NLRP6: variants seen among roughly 807,000 people sequenced by gnomAD.
NLRP6 encodes the protein NLR family pyrin domain containing 6, also known as NACHT, LRR and PYD domains-containing protein 6.
In NLRP6, 55 loss-of-function variants were observed where a neutral mutation model predicts 70.9. The ratio of observed to expected loss-of-function variants is 0.78; its 90% confidence interval spans 0.62 to 0.97. The LOEUF (loss-of-function observed/expected upper bound fraction) is 0.97, where lower values mean the gene tolerates loss of function less well. Ranked by LOEUF, NLRP6 falls within the 50% of genes least tolerant of loss-of-function variation. NLRP6 has a pLI of 0.00. For missense variants in NLRP6, 1,241 were observed against 1,238.3 expected (o/e 1.00, Z -0.03); for synonymous variants, 652 against 581.9 (o/e 1.12, Z -1.73).
At chr11:279,782 G>T in intron 2 of NLRP6, 52 bp from the exon 3 acceptor site, 1 of 1,557,524 alleles carries the variant, frequency 6.4e-7, no homozygotes, top group Non-Finnish European at 8.7e-7. Flanking sequence ...CCCCCGTGGC[G>T]CCTTCCCCTG....
chr11:280,619 C>T lies in NLRP6; in HGVS notation c.885C>T (p.Cys295=). The T allele has an allele frequency of 5.3e-6, 8 of 1,495,922 alleles. No individual in the cohort carries two copies. Among genetic ancestry groups the T allele is most frequent in the Non-Finnish European group, 7.1e-6 (8 of 1,132,362 alleles). The allele number at this position is 1,495,922 out of a possible 1,614,324, so 92.7% of individuals were successfully genotyped here. The change falls in exon 4 of 8, where the codon TGC becomes TGT. Residue 295 remains cysteine, a synonymous_variant. Transcript: ENST00000534750. ...TGGGGGGCCCCGAGGCCGCGCCCTG[C>T]ACAGACCCCTTCGAGGCGGCGAGCG... is the stretch of plus-strand genomic sequence containing the variant. ...PALGGPEAAP[C]TDPFEAASGA...
chr11:283,161 C>A (rs1181706869), intron 5 of NLRP6, among the ~76,000 whole-genome samples: 1 of 152,120 alleles, frequency 6.6e-6, no homozygotes, highest in Non-Finnish European at 1.5e-5. Flanking sequence ...AGCGCAGGCT[C>A]CAAGGTCAGG....
intron 4 of NLRP6, among the ~76,000 whole-genome samples, 162 bp downstream of exon 4, chr11:282,001 A>G (rs960649155): frequency 6.6e-6 from 1 of 151,684 alleles, no homozygotes; most frequent in Non-Finnish European, 1.5e-5. Flanking sequence ...CAACCACTGA[A>G]TTCCTATCTT....
Position 278,909 on chromosome 11 carries a change from C to T in NLRP6, c.29+311C>T, listed in dbSNP as rs976681887. On this transcript the variant is annotated intron_variant, in intron 1 of 7. Transcript: ENST00000534750. This position sits in a 1 kb window ranked among gnomAD's most constrained non-coding sequence, Gnocchi z 4.7. ...TCTGCTGCCAAAGAGGCCAGTTCTG[C>T]TCCGGGATCGGGAAGAGAGGGAAAA... 1.6e-5 allele frequency: 6 copies of T among 366,218 alleles called. No homozygotes were observed. The highest frequency in any genetic ancestry group is 2.9e-5 in the Non-Finnish European group (6 of 204,576). 22.7% of individuals were successfully genotyped at this position (366,218 alleles called of 1,614,324 possible). A position where few individuals can be genotyped will look rare whatever the true frequency, so the allele number is the denominator to read the frequency against.
chr11:285,326 G>A lies in NLRP6; in HGVS notation c.*22G>A. On this transcript the variant is annotated 3_prime_UTR_variant, in exon 8 of 8. Coordinates refer to ENST00000534750, the MANE Select transcript of NLRP6 (RefSeq NM_001276700.2). ...CTGAGGCTCTGGTGGCCAGAGCAGG[G>A]TGGAAGACCCTAGTCAAAGTCCCTG... is the stretch of plus-strand genomic sequence containing the variant. 6.2e-7 allele frequency: 1 copy of A among 1,603,650 alleles called. No individual in the cohort carries two copies. Among genetic ancestry groups the A allele is most frequent in the African/African-American group, 1.3e-5 (1 of 74,832 alleles).
chr11:278,943 G>T lies in NLRP6; in HGVS notation c.29+345G>T. 1 of 350,942 alleles carries T rather than the reference G, an allele frequency of 2.8e-6. No homozygotes were observed. Among genetic ancestry groups the T allele is most frequent in the Non-Finnish European group, 5.1e-6 (1 of 195,040 alleles). 21.7% of individuals were successfully genotyped at this position (350,942 alleles called of 1,614,324 possible). A position where few individuals can be genotyped will look rare whatever the true frequency, so the allele number is the denominator to read the frequency against. Reference sequence around the variant, plus strand: ...CGGGAAGAGAGGGAAAAGAAGGAAAGCGAGGAAAGAGAGCTCAGGGTTCCT... The same window carrying T: ...CGGGAAGAGAGGGAAAAGAAGGAAATCGAGGAAAGAGAGCTCAGGGTTCCT... On this transcript the variant is annotated intron_variant, in intron 1 of 7. Coordinates refer to ENST00000534750, the MANE Select transcript of NLRP6 (RefSeq NM_001276700.2). The surrounding 1 kb of genome is among the most constrained non-coding windows in gnomAD (Gnocchi z 4.7).
rs199475799 is a variant in NLRP6, at chr11:279,819, C to A, written c.311-15C>A. On this transcript the variant is annotated splice_polypyrimidine_tract_variant and intron_variant, in intron 2 of 7. Transcript: ENST00000534750. ...TCCCGCCCTCGGCGGAACCTCACCC[C>A]AGTTTCCCTTCCAGGGCTCGGGCTC... is the stretch of plus-strand genomic sequence containing the variant. 241 of 1,585,944 alleles carry A rather than the reference C, an allele frequency of 1.5e-4. 1 individual carries two copies. In the African/African-American group the frequency reaches 2.7e-3, roughly 18 times the overall value.
Position 280,334 on chromosome 11 carries a change from G to A in NLRP6, c.600G>A (p.Leu200=). The change falls in exon 4 of 8, where the codon CTG becomes CTA. Residue 200 remains leucine (L), a synonymous_variant. Coordinates refer to ENST00000534750, the MANE Select transcript of NLRP6 (RefSeq NM_001276700.2). Reference sequence around the variant, plus strand: ...GCCGGCGGCCGCTGACCGTGGTGCTGCAGGGCCCGGCGGGCATCGGCAAGA... The same window carrying A: ...GCCGGCGGCCGCTGACCGTGGTGCTACAGGGCCCGGCGGGCATCGGCAAGA... The part of the protein sequence containing the change: ...EEGRRPLTVV[L]QGPAGIGKTM... 1.3e-6 allele frequency: 2 copies of A among 1,515,312 alleles called. No homozygotes were observed. The highest frequency in any genetic ancestry group is 1.8e-6 in the Non-Finnish European group (2 of 1,133,596). 93.9% of individuals were successfully genotyped at this position (1,515,312 alleles called of 1,614,324 possible).
rs537154630 is a variant in NLRP6 at position 280,183 on chromosome 11, T to C, written c.449T>C (p.Leu150Pro). 2.9e-5 allele frequency: 45 copies of C among 1,548,744 alleles called. 2 individuals are homozygous for C. The South Asian group carries it at 4.9e-4, about 17-fold the overall frequency. ...SVKITKRFTK[L>P]LIAPESAAPE... ...AAGATCACCAAGCGCTTCACCAAGC[T>C]GCTCATCGCGCCCGAGAGCGCCGCC... The change falls in exon 4 of 8, where the codon CTG (leucine) becomes CCG (proline). Residue 150 changes from leucine (L) to proline (P), a missense_variant. Transcript: ENST00000534750.
At chr11:279,208 T>C in intron 1 of NLRP6, 119 bp from the exon 2 acceptor site, 1 of 885,128 alleles carries the variant, frequency 1.1e-6, no homozygotes, top group Non-Finnish European at 1.5e-6. Context: ...ATCCAGACGA[T>C]GCTTGGCCCG....
chr11:279,205 C>T, intron 1 of NLRP6, 122 bp from the exon 2 acceptor site: 1 of 859,704 alleles, frequency 1.2e-6, no homozygotes. Flanking sequence ...TGGATCCAGA[C>T]GATGCTTGGC....
In NLRP6 at chr11:279,330, G is replaced by A. The variant is rs776203874; in HGVS notation, c.33G>A (p.Thr11=). 5 of 1,207,712 alleles carry A rather than the reference G, an allele frequency of 4.1e-6. No individual in the cohort carries two copies. Among genetic ancestry groups the A allele is most frequent in the African/African-American group, 1.6e-5 (1 of 62,414 alleles). The allele number at this position is 1,207,712 out of a possible 1,614,324, so 74.8% of individuals were successfully genotyped here. The change falls in exon 2 of 8, where the codon ACG becomes ACA. Residue 11 remains threonine, a synonymous_variant. Coordinates refer to ENST00000534750, the MANE Select transcript of NLRP6 (RefSeq NM_001276700.2). Reference sequence around the variant, plus strand: ...ACCCGCGCCCGCCCGCCTCCAGCACGGGGCCGCGCCTCGCGGTGGCCCGCG... The same window carrying A: ...ACCCGCGCCCGCCCGCCTCCAGCACAGGGCCGCGCCTCGCGGTGGCCCGCG... The part of the protein sequence containing the change: MDQPEAPCSS[T]GPRLAVAREL...
chr11:284,095 G>A, intron 5 of NLRP6, 135 bp from the exon 6 acceptor site: 2 of 767,144 alleles, frequency 2.6e-6, no homozygotes, highest in Admixed American at 2.1e-5. Context: ...GCTCTGCGAG[G>A]TCCAGGGAAG....
Position 281,111 on chromosome 11 carries a change from G to A in NLRP6, c.1377G>A (p.Gln459=), listed in dbSNP as rs1182876535. The change falls in exon 4 of 8, where the codon CAG becomes CAA. Residue 459 remains glutamine (Q), a synonymous_variant. Coordinates refer to ENST00000534750, the MANE Select transcript of NLRP6 (RefSeq NM_001276700.2). ...AGGGCGTCCTCGGACGCAGGGCGCA[G>A]TTTGCCGAGAAGGAACTGGAGCAAC... The part of the protein sequence containing the change: ...AREGVLGRRA[Q]FAEKELEQLE... 1 of 1,612,834 alleles carries A rather than the reference G, an allele frequency of 6.2e-7. No individual in the cohort carries two copies. The highest frequency in any genetic ancestry group is 2.2e-5 in the East Asian group (1 of 44,874).
chr11:279,136 C>T, intron 1 of NLRP6, 191 bp from the exon 2 acceptor site: 2 of 463,232 alleles, frequency 4.3e-6, no homozygotes, highest in African/African-American at 2.0e-5. Flanking sequence ...GACCCGGGTC[C>T]GGGGACGGGG....
chr11:283,345 G>C (rs182958857), intron 5 of NLRP6, among the ~76,000 whole-genome samples: 122 of 129,850 alleles, frequency 9.4e-4, no homozygotes, highest in African/African-American at 3.3e-3. Context: ...ACGGAGCCTC[G>C]CTCTGTCGCC....
rs199475798 is a variant in NLRP6 at position 279,808 on chromosome 11, G to T, written c.311-26G>T. The T allele has an allele frequency of 3.2e-6, 5 of 1,582,054 alleles. No individual in the cohort carries two copies. The African/African-American group carries it at 5.5e-5, about 17-fold the overall frequency. ...CCTTCCCCTGTTCCCGCCCTCGGCG[G>T]AACCTCACCCCAGTTTCCCTTCCAG... is the stretch of plus-strand genomic sequence containing the variant. On this transcript the variant is annotated intron_variant, in intron 2 of 7. Transcript: ENST00000534750.
chr11:281,433 G>T lies in NLRP6; in HGVS notation c.1699G>T (p.Val567Phe), dbSNP rs1186914269. ...RDIERHFGCM[V>F]SERVKQEALR... is the part of the protein sequence containing the mutation. ...CATCGAGCGCCACTTCGGCTGCATGGTTTCAGAGCGTGTGAAGCAGGAGGC... is the reference window on the plus strand; with the variant it reads ...CATCGAGCGCCACTTCGGCTGCATGTTTTCAGAGCGTGTGAAGCAGGAGGC... The change falls in exon 4 of 8, where the codon GTT becomes TTT. Residue 567 changes from valine to phenylalanine, a missense_variant. Val to Phe is a conservative substitution (Grantham distance 50, BLOSUM62 -1). Transcript: ENST00000534750. The T allele has an allele frequency of 3.1e-6, 5 of 1,605,322 alleles. No individual in the cohort carries two copies. In the Admixed American group the frequency reaches 5.1e-5, roughly 16 times the overall value.
At position 278,425 on chromosome 11, in the gene NLRP6, C is replaced by A; in HGVS notation, c.-145C>A. The A allele has an allele frequency of 1.7e-6, 1 of 592,640 alleles. No homozygotes were observed. The highest frequency in any genetic ancestry group is 2.9e-6 in the Non-Finnish European group (1 of 339,990). The allele number at this position is 592,640 out of a possible 1,614,324, so 36.7% of individuals were successfully genotyped here. A position where few individuals can be genotyped will look rare whatever the true frequency, so the allele number is the denominator to read the frequency against. On this transcript the variant is annotated 5_prime_UTR_variant, in exon 1 of 8. Transcript: ENST00000534750. The surrounding 1 kb of genome is among the most constrained non-coding windows in gnomAD (Gnocchi z 4.7). ...CCACGGTGCCCAACAGCATCTCGTG[C>A]CAGCTGAGCTGCGGTGTGTGGACCC...
Sources: gnomAD v4.1 joint callset for allele counts (sites outside exome capture counted in the v4.1 genomes callset) on GRCh38, gnomAD v4.1.1 for gene constraint, Gnocchi (gnomAD v3.1) non-coding constraint, MANE v1.5 for transcripts, NCBI Gene and HGNC (gene_info 2026-07-23, HGNC 2026-07-21) for gene names.